Variants in PCNX3 observed in about 807,000 individuals in gnomAD.
PCNX3 encodes the protein pecanex-like protein 3.
PCNX3 carries 58 observed loss-of-function variants against 207.2 expected under a neutral mutation model. That is an observed-to-expected ratio of 0.28 (90% CI 0.23 to 0.35). PCNX3 has a LOEUF of 0.35. Ranked by LOEUF, PCNX3 falls within the 10% of genes least tolerant of loss-of-function variation. PCNX3 has a pLI of 1.00. For missense variants in PCNX3, 2,410 were observed against 2,774.4 expected, an observed-to-expected ratio of 0.87 and a Z score of 2.95; for synonymous variants, 1,337 against 1,183.5, an observed-to-expected ratio of 1.13 and a Z score of -2.66.
intron 22 of PCNX3, 21 bp downstream of exon 22, chr11:65,627,603 C>T: frequency 6.2e-7 from 1 of 1,612,412 alleles, no homozygotes; most frequent in Non-Finnish European, 8.5e-7. Flanking sequence ...GGCTGTGGCC[C>T]AGACCCCAGG....
intron 10 of PCNX3, 155 bp from the exon 11 acceptor site, chr11:65,622,090 A>G: frequency 1.1e-5 from 10 of 880,912 alleles, no homozygotes; most frequent in Non-Finnish European, 1.4e-5. Flanking sequence ...GGGCCGCTAG[A>G]CAGGGGCCTT....
In PCNX3 at chr11:65,629,351, G is replaced by A; in HGVS notation, c.3942-6G>A. 1 of 1,609,472 alleles carries A rather than the reference G, an allele frequency of 6.2e-7. No individual in the cohort carries two copies. Among genetic ancestry groups the A allele is most frequent in the Non-Finnish European group, 8.5e-7 (1 of 1,177,812 alleles). Reference sequence around the variant, plus strand: ...CCAACCGCCTTGTTGCACTCTCTCTGAACAGCACTAAACGTGTGGATCATT... The same window carrying A: ...CCAACCGCCTTGTTGCACTCTCTCTAAACAGCACTAAACGTGTGGATCATT... On this transcript the variant is annotated splice_polypyrimidine_tract_variant and splice_region_variant and intron_variant, in intron 24 of 34. Transcript: ENST00000355703.
chr11:65,622,210 A>T (rs1855144068), intron 10 of PCNX3, 35 bp from the exon 11 acceptor site: 5 of 1,587,186 alleles, frequency 3.2e-6, no homozygotes, highest in African/African-American at 1.3e-5. Context: ...CTGCAGTTTG[A>T]CCTGCTGGAC....
intron 4 of PCNX3, 34 bp downstream of exon 4, chr11:65,617,543 G>C: frequency 6.2e-7 from 1 of 1,613,962 alleles, no homozygotes; most frequent in South Asian, 1.1e-5. Context: ...GGAGCATAGT[G>C]CTGTGGAACA....
chr11:65,630,596 T>G lies in PCNX3; in HGVS notation c.4462T>G (p.Tyr1488Asp). The change falls in exon 27 of 35, where the codon TAT (tyrosine) becomes GAT (aspartate). Residue 1488 changes from tyrosine to aspartate, a missense_variant. Tyr to Asp is a radical substitution (Grantham distance 160, BLOSUM62 -3). Coordinates refer to ENST00000355703, the MANE Select transcript of PCNX3 (RefSeq NM_032223.4). ...FDLRKILITY[Y>D]VKSIIYYVSR... ...CCTCCGCAAGATCCTCATCACCTAC[T>G]ATGTCAAGGTACGGTGGGCAGGTGT... 1 of 1,609,104 alleles carries G rather than the reference T, an allele frequency of 6.2e-7. No individual in the cohort carries two copies. Among genetic ancestry groups the G allele is most frequent in the Non-Finnish European group, 8.5e-7 (1 of 1,176,374 alleles).
rs1855524660 is a variant in PCNX3 at position 65,629,298 on chromosome 11, AG to A, written c.3942-56del. Reference sequence around the variant, plus strand: ...CTTGTGGCACAGGGAGAGCATGAGCAGGGTGCACCCTCTCTTCACCTTCTTG... The same window carrying A: ...CTTGTGGCACAGGGAGAGCATGAGCAGGTGCACCCTCTCTTCACCTTCTTG... On this transcript the variant is annotated intron_variant, in intron 24 of 34. Coordinates refer to ENST00000355703, the MANE Select transcript of PCNX3 (RefSeq NM_032223.4). The A allele has an allele frequency of 2.6e-6, 4 of 1,520,796 alleles. No individual in the cohort carries two copies. The East Asian group carries it at 7.1e-5, about 27-fold the overall frequency. 94.2% of individuals were successfully genotyped at this position (1,520,796 alleles called of 1,614,324 possible). A position where few individuals can be genotyped will look rare whatever the true frequency, so the allele number is the denominator to read the frequency against.
Position 65,623,969 on chromosome 11 carries a change from C to T in PCNX3, c.2544+8C>T, listed in dbSNP as rs749731660. On this transcript the variant is annotated splice_region_variant and intron_variant, in intron 13 of 34. Coordinates refer to ENST00000355703, the MANE Select transcript of PCNX3 (RefSeq NM_032223.4). ...GCGGCGTCCCCCATGCACGTGAGTACCCATGGAGCAGCGCCTCTGGCCAGG... is the reference window on the plus strand; with the variant it reads ...GCGGCGTCCCCCATGCACGTGAGTATCCATGGAGCAGCGCCTCTGGCCAGG... 3.7e-6 allele frequency: 6 copies of T among 1,611,312 alleles called. No individual in the cohort carries two copies. The Admixed American group carries it at 8.3e-5, about 22-fold the overall frequency.
At chr11:65,629,228 C>G in intron 24 of PCNX3, 129 bp from the exon 25 acceptor site, 1 of 1,048,166 alleles carries the variant, frequency 9.5e-7, no homozygotes, top group Non-Finnish European at 1.4e-6. Context: ...GAGCCTCAGT[C>G]TCCTCATCTG....
chr11:65,634,494 C>G (rs764221803), intron 28 of PCNX3, 44 bp from the exon 29 acceptor site: 2 of 1,546,220 alleles, frequency 1.3e-6, no homozygotes, highest in Non-Finnish European at 1.7e-6. Flanking sequence ...GGTCCCTGTC[C>G]CAGGTCTGAG....
At chr11:65,620,765 G>A (rs1176301736) in intron 9 of PCNX3, 66 bp from the exon 10 acceptor site, 9 of 1,555,706 alleles carry the variant, frequency 5.8e-6, no homozygotes, top group African/African-American at 2.7e-5. Context: ...CCTTGGCCTC[G>A]GCCTCGACCC....
In PCNX3 at chr11:65,620,234, A is replaced by G. The variant is rs939971278; in HGVS notation, c.2009-105A>G. On this transcript the variant is annotated intron_variant, in intron 8 of 34. Transcript: ENST00000355703. Reference sequence around the variant, plus strand: ...AGGCTGGGCTGCCCTCTCAGAGGACACAGCACAAGGTTCTGCCTCATTTGA... The same window carrying G: ...AGGCTGGGCTGCCCTCTCAGAGGACGCAGCACAAGGTTCTGCCTCATTTGA... 7.4e-6 allele frequency: 9 copies of G among 1,210,476 alleles called. No individual in the cohort carries two copies. The South Asian group carries it at 9.3e-5, about 13-fold the overall frequency. The allele number at this position is 1,210,476 out of a possible 1,614,324, so 75.0% of individuals were successfully genotyped here.
intron 11 of PCNX3, among the ~76,000 whole-genome samples, chr11:65,622,770 A>AT (rs761301416): frequency 0.011 from 1,486 of 140,058 alleles, 22 homozygotes; most frequent in Middle Eastern, 0.011. Flanking sequence ...TAATTTTTGT[A>AT]TTTTTTTTTT....
intron 2 of PCNX3, 89 bp downstream of exon 2, chr11:65,617,100 T>C (rs1854776975): frequency 1.4e-6 from 2 of 1,430,348 alleles, no homozygotes; most frequent in Non-Finnish European, 1.9e-6. Context: ...TTAGGGAACA[T>C]TGGCTCTCTG....
At chr11:65,631,172 G>A (rs754031018) in intron 27 of PCNX3, among the ~76,000 whole-genome samples, 12 of 144,230 alleles carry the variant, frequency 8.3e-5, no homozygotes, top group Non-Finnish European at 1.2e-4. Context: ...TCCTGCCTTA[G>A]CCTGGGGGCT....
Position 65,633,996 on chromosome 11 carries a change from C to G in PCNX3, c.4471-130C>G, listed in dbSNP as rs1262066488. ...TGGTTGCTCTTGAGAGCTGAGATGG[C>G]TCTAGGAGCGGGGCATCCCAGAAAG... On this transcript the variant is annotated intron_variant, in intron 27 of 34. Coordinates refer to ENST00000355703, the MANE Select transcript of PCNX3 (RefSeq NM_032223.4). The G allele has an allele frequency of 5.8e-6, 5 of 856,948 alleles. 1 individual carries two copies. The South Asian group carries it at 8.7e-5, about 15-fold the overall frequency. 53.1% of individuals were successfully genotyped at this position (856,948 alleles called of 1,614,324 possible).
At chr11:65,632,537 G>A (rs1451548698) in intron 27 of PCNX3, among the ~76,000 whole-genome samples, 1 of 138,840 alleles carries the variant, frequency 7.2e-6, no homozygotes, top group Non-Finnish European at 1.5e-5. Flanking sequence ...CGGAGTCTGG[G>A]CAGTGCTTCC....
Position 65,625,700 on chromosome 11 carries a change from C to T in PCNX3, c.3184C>T (p.Leu1062Phe). 6.2e-7 allele frequency: 1 copy of T among 1,612,198 alleles called. No homozygotes were observed. Reference sequence around the variant, plus strand: ...GGTGATGTGTGTGGTGATCGCCGTGCTCACCTTCGCCATCAGCGCCAGCAC... The same window carrying T: ...GGTGATGTGTGTGGTGATCGCCGTGTTCACCTTCGCCATCAGCGCCAGCAC... ...DLVMCVVIAVLTFAISASTVF... is the reference protein window; with the variant it reads ...DLVMCVVIAVFTFAISASTVF... The change falls in exon 19 of 35, where the codon CTC becomes TTC. Residue 1062 changes from leucine to phenylalanine, a missense_variant. Transcript: ENST00000355703. This position sits in a 1 kb window ranked among gnomAD's most constrained non-coding sequence, Gnocchi z 5.6.
chr11:65,617,795 C>T lies in PCNX3; in HGVS notation c.577+89C>T, dbSNP rs1420258425. 5.4e-6 allele frequency: 8 copies of T among 1,479,798 alleles called. No homozygotes were observed. In the East Asian group the frequency reaches 7.4e-5, roughly 14 times the overall value. 91.7% of individuals were successfully genotyped at this position (1,479,798 alleles called of 1,614,324 possible). A position where few individuals can be genotyped will look rare whatever the true frequency, so the allele number is the denominator to read the frequency against. ...TCAACTTTGGCTCCATCCTGGGTCT[C>T]CTCTGTATTCCTCTGTGGGACCTCC... is the stretch of plus-strand genomic sequence containing the variant. On this transcript the variant is annotated intron_variant, in intron 5 of 34. Coordinates refer to ENST00000355703, the MANE Select transcript of PCNX3 (RefSeq NM_032223.4).
At chr11:65,629,973 C>T (rs1057214640) in intron 26 of PCNX3, among the ~76,000 whole-genome samples, 1 of 152,232 alleles carries the variant, frequency 6.6e-6, no homozygotes, top group African/African-American at 2.4e-5. Context: ...CTCTACAGGT[C>T]ACTGCAGTGA....
Sources: allele counts gnomAD v4.1 joint callset (sites outside exome capture counted in the v4.1 genomes callset), GRCh38; gene constraint gnomAD v4.1.1; non-coding constraint Gnocchi (gnomAD v3.1); transcripts MANE v1.5; gene names NCBI Gene and HGNC (gene_info 2026-07-23, HGNC 2026-07-21).